Variants in GABRB3 observed in about 807,000 individuals in gnomAD.
GABRB3 encodes the protein gamma-aminobutyric acid type A receptor subunit beta3.
A neutral mutation model predicts 52.1 loss-of-function variants in GABRB3; 14 were observed. The ratio of observed to expected loss-of-function variants is 0.27; its 90% CI spans 0.18 to 0.42. The LOEUF (loss-of-function observed/expected upper bound fraction) is 0.42, where lower values mean the gene tolerates loss of function less well. Ranked by LOEUF, GABRB3 falls within the 10% of genes least tolerant of loss-of-function variation. The probability of loss-of-function intolerance (pLI) is 1.00; values close to 1 mark genes in which losing one functional copy is unlikely to be tolerated. For missense variants in GABRB3, 307 were observed against 609.1 expected, an observed-to-expected ratio of 0.50 and a Z score of 5.22; for synonymous variants, 260 against 232.3, an observed-to-expected ratio of 1.12 and a Z score of -1.08.
chr15:26,710,752 G>C (rs750585529), intron 3 of GABRB3, among the ~76,000 whole-genome samples: 4 of 152,122 alleles, frequency 2.6e-5, no homozygotes, highest in Non-Finnish European at 5.9e-5. Flanking sequence ...GATACAAAGA[G>C]TGTGCCCATT....
chr15:26,632,989 C>T (rs1379438249), intron 3 of GABRB3, among the ~76,000 whole-genome samples: 1 of 152,146 alleles, frequency 6.6e-6, no homozygotes, highest in East Asian at 1.9e-4. Context: ...CTGCCCCCAG[C>T]CCCCACTATT....
At chr15:26,773,747 C>T (rs1488338959), upstream of GABRB3, 7 of 1,550,274 alleles carry the variant, frequency 4.5e-6, no homozygotes, top group Non-Finnish European at 6.1e-6. Context: ...CCGGCCTAAC[C>T]TGCTGGGATC....
chr15:26,689,924 T>C (rs914233254), intron 3 of GABRB3, among the ~76,000 whole-genome samples: 2 of 152,044 alleles, frequency 1.3e-5, no homozygotes, highest in Admixed American at 6.6e-5. Flanking sequence ...GTTTTCAAGA[T>C]TGCTCTAGGG....
chr15:26,624,741 C>A, intron 3 of GABRB3: 1 of 985,024 alleles, frequency 1.0e-6, no homozygotes, highest in Non-Finnish European at 1.2e-6. Flanking sequence ...AATCAGTGTC[C>A]TCCTTTTTTT....
intron 3 of GABRB3, among the ~76,000 whole-genome samples, chr15:26,675,067 T>C (rs1329245815): frequency 6.6e-6 from 1 of 152,178 alleles, no homozygotes; most frequent in Non-Finnish European, 1.5e-5. Flanking sequence ...TAATTACTTG[T>C]GGTTTCAAAA....
At chr15:26,579,539 G>A (rs1346342031) in intron 6 of GABRB3, among the ~76,000 whole-genome samples, 1 of 152,204 alleles carries the variant, frequency 6.6e-6, no homozygotes, top group Non-Finnish European at 1.5e-5. Flanking sequence ...TGCACTCTTT[G>A]TTCAAGCTAC....
In GABRB3 at chr15:26,596,062, T is replaced by TACAG. The variant is rs1442371611; in HGVS notation, c.462-12652_462-12649dup. Among the ~76,000 whole-genome samples, 3 of 152,204 alleles carry TACAG rather than the reference T, an allele frequency of 2.0e-5. No individual in the cohort carries two copies. In the East Asian group the frequency reaches 5.8e-4, roughly 30 times the overall value. Reference sequence around the variant, plus strand: ...TCCTCAGCCTTTGGGGGTAGGCATGTACAGACGTGCCCACTGCAGAACTAC... The same window carrying TACAG: ...TCCTCAGCCTTTGGGGGTAGGCATGTACAGACAGACGTGCCCACTGCAGAACTAC... On this transcript the variant is annotated intron_variant, in intron 4 of 8. Coordinates refer to ENST00000311550, the MANE Select transcript of GABRB3 (RefSeq NM_000814.6).
chr15:26,624,383 T>C (rs1892604951), intron 3 of GABRB3: 1 of 985,512 alleles, frequency 1.0e-6, no homozygotes, highest in East Asian at 1.1e-4. Flanking sequence ...TAACCCCGCA[T>C]GCTTACGCCT....
chr15:26,763,639 C>CACACACA (rs368390366), intron 3 of GABRB3, among the ~76,000 whole-genome samples: 6 of 148,260 alleles, frequency 4.0e-5, no homozygotes, highest in Non-Finnish European at 7.5e-5. Context: ...CACACACACA[C>CACACACA]CATGGAATAA....
chr15:26,606,776 A>AGATATATCGATAGATAGATATATC (rs1555370497), intron 4 of GABRB3, among the ~76,000 whole-genome samples: 2 of 118,304 alleles, frequency 1.7e-5, no homozygotes. Flanking sequence ...ATCTATAGAT[A>AGATATATCGATAGATAGATATATC]GATAGATATA....
At chr15:26,555,487 C>T (rs1322971296) in intron 8 of GABRB3, among the ~76,000 whole-genome samples, 1 of 152,168 alleles carries the variant, frequency 6.6e-6, no homozygotes, top group Non-Finnish European at 1.5e-5. Context: ...GGGAGACGAC[C>T]TCACGAACGT....
rs3917083 is a variant in GABRB3, at chr15:26,765,129, C to CAAAAAAAAAA, written c.240+7263_240+7272dup. On this transcript the variant is annotated intron_variant, in intron 3 of 8. Coordinates refer to ENST00000311550, the MANE Select transcript of GABRB3 (RefSeq NM_000814.6). Reference sequence around the variant, plus strand: ...GGGGTGACAGAGCGAGACTCCGACTCAAAAAAAAAAAAAAAAGTCAAAACT... The same window carrying CAAAAAAAAAA: ...GGGGTGACAGAGCGAGACTCCGACTCAAAAAAAAAAAAAAAAAAAAAAAAAAGTCAAAACT... Among the ~76,000 whole-genome samples the CAAAAAAAAAA allele has an allele frequency of 2.7e-5, 3 of 111,060 alleles. 1 individual carries two copies. The highest frequency in any genetic ancestry group is 3.6e-5 in the African/African-American group (1 of 27,592). The allele number at this position is 111,060 out of a possible 152,430, so 72.9% of individuals were successfully genotyped here. A position where few individuals can be genotyped will look rare whatever the true frequency, so the allele number is the denominator to read the frequency against.
At chr15:26,736,705 A>T (rs1235418161) in intron 3 of GABRB3, among the ~76,000 whole-genome samples, 1 of 152,206 alleles carries the variant, frequency 6.6e-6, no homozygotes, top group African/African-American at 2.4e-5. Flanking sequence ...GTGACCTAAG[A>T]AAGGAATTCG....
chr15:26,773,146 G>A (rs1285369385), upstream of GABRB3: 23 of 395,180 alleles, frequency 5.8e-5, no homozygotes, highest in Non-Finnish European at 7.8e-5. Context: ...GAGCGGGGAG[G>A]GAGGAGCGCG....
chr15:26,553,649 T>C (rs1889566256), intron 8 of GABRB3: 1 of 152,138 alleles, frequency 6.6e-6, no homozygotes, highest in Non-Finnish European at 1.5e-5. Context: ...GGACGTGCGA[T>C]GCCTCACTGG....
chr15:26,697,530 C>G (rs1347511964), intron 3 of GABRB3, among the ~76,000 whole-genome samples: 2 of 152,108 alleles, frequency 1.3e-5, no homozygotes, highest in Non-Finnish European at 2.9e-5. Flanking sequence ...TCAGGTCCTT[C>G]TCAAGTCCTC....
intron 3 of GABRB3, among the ~76,000 whole-genome samples, chr15:26,659,998 G>A (rs1199173087): frequency 2.6e-5 from 4 of 152,134 alleles, no homozygotes; most frequent in Non-Finnish European, 5.9e-5. Context: ...TTGGGAGGCC[G>A]AGGCGGGTGG....
intron 3 of GABRB3, among the ~76,000 whole-genome samples, chr15:26,654,877 T>C (rs1377937951): frequency 6.6e-6 from 1 of 152,116 alleles, no homozygotes; most frequent in Non-Finnish European, 1.5e-5. Flanking sequence ...CCGTTGCCCA[T>C]GCTGGAGTAC....
intron 3 of GABRB3, chr15:26,629,019 T>A (rs1378265372): frequency 1.8e-5 from 27 of 1,535,714 alleles, no homozygotes; most frequent in Middle Eastern, 1.7e-4. Context: ...CACGAGGGAG[T>A]CTCCCGGTAT....
Sources: allele counts gnomAD v4.1 joint callset (sites outside exome capture counted in the v4.1 genomes callset), GRCh38; gene constraint gnomAD v4.1.1; transcripts MANE v1.5; gene names NCBI Gene and HGNC (gene_info 2026-07-23, HGNC 2026-07-21).